RNF123: variants seen among roughly 807,000 people sequenced by gnomAD.
RNF123 encodes the protein E3 ubiquitin-protein ligase RNF123.
A neutral mutation model predicts 168.5 loss-of-function variants in RNF123; 86 were observed. That is an observed-to-expected ratio of 0.51 (90% confidence interval 0.43 to 0.61). The LOEUF (loss-of-function observed/expected upper bound fraction) is 0.61. Ranked by LOEUF, RNF123 falls within the 20% of genes least tolerant of loss-of-function variation. The pLI is 0.00. For missense variants in RNF123, 1,419 were observed against 1,729.7 expected (o/e 0.82, Z 3.19); for synonymous variants, 666 against 689.1 (o/e 0.97, Z 0.52).
chr3:49,705,650 A>G lies in RNF123; in HGVS notation c.2275A>G (p.Asn759Asp), dbSNP rs754461403. 6.2e-7 allele frequency: 1 copy of G among 1,614,066 alleles called. No individual in the cohort carries two copies. ...CCTGGATGGGGCGGTCATGATGTAC[A>G]ACCTCAGCGTACACCAGCAGCTGGG... Reference protein sequence around the residue: ...EVLDGAVMMYNLSVHQQLGKM... With the variant: ...EVLDGAVMMYDLSVHQQLGKM... Residue 759 changes from asparagine to aspartate, a missense_variant, in exon 24 of 39, where the codon AAC becomes GAC. By Grantham distance (23) the Asn-to-Asp change is conservative. Around this residue, in one of 5 missense-constraint regions of RNF123, gnomAD observed 538 missense variants for 708.8 expected, o/e 0.76. Transcript: ENST00000327697.
chr3:49,719,225 A>G, intron 35 of RNF123: 1 of 1,613,116 alleles, frequency 6.2e-7, no homozygotes. Flanking sequence ...AGGGGCGCCA[A>G]CCAGCCGGGG....
At chr3:49,719,690 G>A (rs2080347915) in intron 35 of RNF123, 1 of 522,602 alleles carries the variant, frequency 1.9e-6, no homozygotes, top group Non-Finnish European at 3.5e-6. Context: ...CTCTCCAAGC[G>A]AGTTCCTGAT....
intron 1 of RNF123, among the ~76,000 whole-genome samples, chr3:49,690,097 CAGACCCACAAGGGTT>C (rs1452459578): frequency 6.6e-6 from 1 of 151,990 alleles, no homozygotes; most frequent in Non-Finnish European, 1.5e-5. Context: ...AGGCGTGGTG[CAGACCCACAAGGGTT>C]TGTGGCGGGA....
intron 26 of RNF123, among the ~76,000 whole-genome samples, chr3:49,711,744 C>T (rs1231805996): frequency 6.6e-6 from 1 of 152,140 alleles, no homozygotes; most frequent in Non-Finnish European, 1.5e-5. Flanking sequence ...CTGACATAGA[C>T]TTTGTGGAAA....
Position 49,701,911 on chromosome 3 carries a change from G to C in RNF123, c.1495+1G>C. On this transcript the variant is annotated splice_donor_variant, in intron 17 of 38. Transcript: ENST00000327697. LOFTEE classifies it high-confidence loss of function. ...CAGCGGCTCAGGAAGCGCATCGAAG[G>C]TCAGCCCGCCTTGGGCACGGGGTAG... 2 of 1,559,944 alleles carry C rather than the reference G, an allele frequency of 1.3e-6. No individual in the cohort carries two copies. The highest frequency in any genetic ancestry group is 3.9e-5 in the Admixed American group (2 of 51,200).
At chr3:49,702,534 C>T in intron 19 of RNF123, 99 bp from the exon 20 acceptor site, 1 of 1,607,704 alleles carries the variant, frequency 6.2e-7, no homozygotes, top group Non-Finnish European at 8.5e-7. Flanking sequence ...CTGCTTTTCC[C>T]TCCCTGCTTA....
chr3:49,695,724 G>A (rs187177227), intron 3 of RNF123, among the ~76,000 whole-genome samples: 2 of 152,332 alleles, frequency 1.3e-5, no homozygotes, highest in Admixed American at 1.3e-4. Flanking sequence ...TGGCATTAAA[G>A]GTGGAAGAGC....
At chr3:49,712,974 C>T in intron 27 of RNF123, 1 of 701,886 alleles carries the variant, frequency 1.4e-6, no homozygotes, top group Non-Finnish European at 2.6e-6. Flanking sequence ...TGGCCTTGCA[C>T]CTTGACTCCC....
At chr3:49,695,568 T>C (rs2054252208) in intron 3 of RNF123, among the ~76,000 whole-genome samples, 1 of 152,234 alleles carries the variant, frequency 6.6e-6, no homozygotes, top group Non-Finnish European at 1.5e-5. Context: ...TGTGCATCTC[T>C]GCTCCTACAG....
chr3:49,707,836 T>C (rs2054547979), intron 26 of RNF123, among the ~76,000 whole-genome samples: 1 of 152,180 alleles, frequency 6.6e-6, no homozygotes, highest in Non-Finnish European at 1.5e-5. Flanking sequence ...TGAGATTTCC[T>C]GCCTGCCCAC....
chr3:49,703,726 T>C (rs1038007085), intron 21 of RNF123, among the ~76,000 whole-genome samples, 198 bp downstream of exon 21: 1 of 152,122 alleles, frequency 6.6e-6, no homozygotes, highest in Non-Finnish European at 1.5e-5. Flanking sequence ...ACCCACGCCA[T>C]AGGGGTCGGG....
rs2054359526 is a variant in RNF123, at chr3:49,700,497, A to G, written c.1136A>G (p.Lys379Arg). ...GACTACGAGGTACAAGATTGCCTCA[A>G]GCAGTTGATGATGTCTCTGCTTCGG... is the stretch of plus-strand genomic sequence containing the variant. ...MEDYEVQDCL[K>R]QLMMSLLRLY... Residue 379 changes from lysine (K) to arginine (R), a missense_variant, in exon 14 of 39, where the codon AAG becomes AGG. Lys to Arg is a conservative substitution (Grantham distance 26). Transcript: ENST00000327697. 1.2e-6 allele frequency: 2 copies of G among 1,614,188 alleles called. No homozygotes were observed. Among genetic ancestry groups the G allele is most frequent in the Non-Finnish European group, 1.7e-6 (2 of 1,180,028 alleles).
chr3:49,721,209 GAAC>G lies in RNF123; in HGVS notation c.3855_3857del (p.Asn1285del), dbSNP rs766199435. 10 of 1,614,074 alleles carry G rather than the reference GAAC, an allele frequency of 6.2e-6. No homozygotes were observed. The highest frequency in any genetic ancestry group is 1.3e-5 in the African/African-American group (1 of 74,918). ...GAGCCTGTATCAACCAGCACCTGAT[GAAC>G]AACAAGGACTGCTTCTTCTGCAAAA... is the stretch of plus-strand genomic sequence containing the variant. On this transcript the variant is annotated inframe_deletion, in exon 39 of 39. Transcript: ENST00000327697.
rs763007037 is a variant in RNF123 at position 49,699,426 on chromosome 3, G to C, written c.765-42G>C. The C allele has an allele frequency of 6.6e-7, 1 of 1,508,578 alleles. No individual in the cohort carries two copies. Among genetic ancestry groups the C allele is most frequent in the African/African-American group, 1.4e-5 (1 of 72,446 alleles). 93.4% of individuals were successfully genotyped at this position (1,508,578 alleles called of 1,614,324 possible). ...TGGGCAGTGGAGAGGGAGTAGGCAT[G>C]TCTGAGCCACAGATAAGGCGTTGCT... On this transcript the variant is annotated intron_variant, in intron 10 of 38. Transcript: ENST00000327697. This position sits in a 1 kb window ranked among gnomAD's most constrained non-coding sequence, Gnocchi z 4.8.
intron 35 of RNF123, chr3:49,717,396 G>A (rs1192191165): frequency 6.2e-6 from 1 of 161,028 alleles, no homozygotes; most frequent in African/African-American, 2.4e-5. Context: ...GGGCGGGCTT[G>A]TTTCCTCTTT....
rs771389007 is a variant in RNF123, at chr3:49,700,324, T to C, written c.1082T>C (p.Val361Ala). ...PTQAQSVVHQ[V>A]LDLLWLFMED... Reference sequence around the variant, plus strand: ...CAGGCACAGTCCGTGGTGCACCAGGTCCTGGACCTCTTGTGGCTCTTCATG... The same window carrying C: ...CAGGCACAGTCCGTGGTGCACCAGGCCCTGGACCTCTTGTGGCTCTTCATG... Residue 361 changes from valine (V) to alanine (A), a missense_variant, in exon 13 of 39, where the codon GTC (valine) becomes GCC (alanine). By Grantham distance (64) the Val-to-Ala change is moderately conservative. Coordinates refer to ENST00000327697, the MANE Select transcript of RNF123 (RefSeq NM_022064.5). The C allele has an allele frequency of 6.2e-7, 1 of 1,614,186 alleles. No individual in the cohort carries two copies. The highest frequency in any genetic ancestry group is 8.5e-7 in the Non-Finnish European group (1 of 1,180,034).
intron 3 of RNF123, among the ~76,000 whole-genome samples, chr3:49,693,891 C>T (rs1292162091): frequency 2.0e-5 from 3 of 152,238 alleles, no homozygotes; most frequent in East Asian, 1.9e-4. Context: ...GTTTACCATT[C>T]GTATGTCTTC....
At chr3:49,705,943 C>G (rs765805605) in intron 24 of RNF123, 39 bp from the exon 25 acceptor site, 1 of 1,602,316 alleles carries the variant, frequency 6.2e-7, no homozygotes, top group South Asian at 1.1e-5. Flanking sequence ...GATGAAGTGC[C>G]CAAGGGGCAC....
chr3:49,715,879 G>T lies in RNF123; in HGVS notation c.3208G>T (p.Val1070Leu), dbSNP rs908056299. The T allele has an allele frequency of 3.1e-6, 5 of 1,613,968 alleles. No homozygotes were observed. Among genetic ancestry groups the T allele is most frequent in the South Asian group, 2.2e-5 (2 of 91,088 alleles). The change falls in exon 33 of 39, where the codon GTA becomes TTA. Residue 1070 changes from valine to leucine, a missense_variant. By Grantham distance (32) the Val-to-Leu change is conservative (BLOSUM62 1). Coordinates refer to ENST00000327697, the MANE Select transcript of RNF123 (RefSeq NM_022064.5). ...CTTTGTGGACAGCCGGCAGCTCAAG[G>T]TATGTGCCACCTGCTTTGACCTCTC... ...RNFVDSRQLK[V>L]CATCFDLSVS...
Sources: allele counts gnomAD v4.1 joint callset (sites outside exome capture counted in the v4.1 genomes callset), GRCh38; gene constraint gnomAD v4.1.1; regional missense constraint gnomAD v4.1.1; non-coding constraint Gnocchi (gnomAD v3.1); transcripts MANE v1.5; gene names NCBI Gene and HGNC (gene_info 2026-07-23, HGNC 2026-07-21).